TM4SF4: variants seen among roughly 807,000 people sequenced by gnomAD.
The protein encoded by TM4SF4 is transmembrane 4 L6 family member 4.
Under a neutral mutation model 24.1 loss-of-function variants are expected in TM4SF4, and 24 were observed. The observed-to-expected ratio is 1.00, with a 90% CI of 0.72 to 1.40. TM4SF4 has a LOEUF of 1.40. TM4SF4 is among the 40% of genes most tolerant of loss of function. TM4SF4 has a pLI of 0.00. For missense variants in TM4SF4, 254 were observed against 254.2 expected (o/e 1.00, Z 0.01); for synonymous variants, 113 against 97.0 (o/e 1.17, Z -0.97).
chr3:149,489,065 A>G (rs1033867687), intron 3 of TM4SF4, among the ~76,000 whole-genome samples: 1 of 152,216 alleles, frequency 6.6e-6, no homozygotes, highest in Non-Finnish European at 1.5e-5. Context: ...GTTAAGCAAT[A>G]CAAGGTCTCT....
At chr3:149,482,277 A>G (rs767927890) in intron 2 of TM4SF4, among the ~76,000 whole-genome samples, 1 of 152,230 alleles carries the variant, frequency 6.6e-6, no homozygotes, top group Non-Finnish European at 1.5e-5. Flanking sequence ...ATCTGCCTGT[A>G]ATCCATACCT....
chr3:149,475,360 TAAC>T (rs1733909173), intron 1 of TM4SF4, among the ~76,000 whole-genome samples: 1 of 152,038 alleles, frequency 6.6e-6, no homozygotes, highest in African/African-American at 2.4e-5. Flanking sequence ...CCCAAAACAA[TAAC>T]AACAACAAAC....
rs1295261914 is a variant in TM4SF4 at position 149,502,753 on chromosome 3, ACTT to A, written c.*66_*68del. The A allele has an allele frequency of 4.7e-6, 6 of 1,283,744 alleles. No homozygotes were observed. Among genetic ancestry groups the A allele is most frequent in the African/African-American group, 4.4e-5 (3 of 68,044 alleles). 79.5% of individuals were successfully genotyped at this position (1,283,744 alleles called of 1,614,324 possible). On this transcript the variant is annotated 3_prime_UTR_variant, in exon 5 of 5. Transcript: ENST00000305354. ...GACGACTACAATTTCTTTTCATAAAACTTCTTCTCTTCTTGGAATTATTAATTC... is the reference window on the plus strand; with the variant it reads ...GACGACTACAATTTCTTTTCATAAAACTTCTCTTCTTGGAATTATTAATTC...
In TM4SF4 at chr3:149,493,247, G is replaced by A. The variant is rs547896858; in HGVS notation, c.402-5475G>A. Reference sequence around the variant, plus strand: ...CTTAATTTCAACCAGGCATAAATAAGGCTCAAAAAAAACCTCTTTATTGTG... The same window carrying A: ...CTTAATTTCAACCAGGCATAAATAAAGCTCAAAAAAAACCTCTTTATTGTG... On this transcript the variant is annotated intron_variant, in intron 3 of 4. Coordinates refer to ENST00000305354, the MANE Select transcript of TM4SF4 (RefSeq NM_004617.4). Among the ~76,000 whole-genome samples the A allele has an allele frequency of 1.0e-3, 154 of 151,912 alleles. 1 individual carries two copies. Among genetic ancestry groups the A allele is most frequent in the African/African-American group, 3.5e-3 (143 of 41,428 alleles).
intron 2 of TM4SF4, among the ~76,000 whole-genome samples, chr3:149,483,261 T>C (rs529141549): frequency 1.6e-4 from 25 of 152,260 alleles, no homozygotes; most frequent in African/African-American, 5.3e-4. Context: ...AGAAATTTGG[T>C]TGGAGCATGG....
rs896216916 is a variant in TM4SF4, at chr3:149,484,947, A to T, written c.265-2672A>T. Among the ~76,000 whole-genome samples, 8 of 152,208 alleles carry T rather than the reference A, an allele frequency of 5.3e-5. No homozygotes were observed. The East Asian group carries it at 1.5e-3, about 29-fold the overall frequency. On this transcript the variant is annotated intron_variant, in intron 2 of 4. Transcript: ENST00000305354. Reference sequence around the variant, plus strand: ...TGGGTTCAACCTTTTTATAATAATTAATAAATATGTGTTAAGAAAAAATTT... The same window carrying T: ...TGGGTTCAACCTTTTTATAATAATTTATAAATATGTGTTAAGAAAAAATTT...
intron 3 of TM4SF4, among the ~76,000 whole-genome samples, chr3:149,491,292 C>G (rs1734204728): frequency 8.3e-5 from 3 of 36,238 alleles, no homozygotes; most frequent in East Asian, 1.8e-3. Context: ...CAGCGCCCCT[C>G]TACAAAAAAA....
chr3:149,480,261 A>T (rs1259778790), intron 2 of TM4SF4, among the ~76,000 whole-genome samples: 1 of 152,192 alleles, frequency 6.6e-6, no homozygotes, highest in African/African-American at 2.4e-5. Context: ...CCTTCTAAAA[A>T]ATGGATCTCT....
intron 4 of TM4SF4, among the ~76,000 whole-genome samples, chr3:149,501,672 C>T (rs1382595751): frequency 1.3e-5 from 2 of 152,236 alleles, no homozygotes; most frequent in Admixed American, 6.5e-5. Context: ...TGAGGAAAGA[C>T]TTGGGCTCTC....
At chr3:149,498,155 G>T (rs1385217155) in intron 3 of TM4SF4, among the ~76,000 whole-genome samples, 3 of 152,112 alleles carry the variant, frequency 2.0e-5, no homozygotes, top group African/African-American at 4.8e-5. Flanking sequence ...TTAAAATTAG[G>T]CCTTGAAATC....
At chr3:149,499,840 A>C (rs1308092631) in intron 4 of TM4SF4, among the ~76,000 whole-genome samples, 3 of 152,144 alleles carry the variant, frequency 2.0e-5, no homozygotes, top group African/African-American at 7.2e-5. Flanking sequence ...TCACCACCGC[A>C]CTCCAGTCTG....
chr3:149,482,217 A>G (rs973992578), intron 2 of TM4SF4, among the ~76,000 whole-genome samples: 2 of 152,148 alleles, frequency 1.3e-5, no homozygotes, highest in Admixed American at 6.5e-5. Flanking sequence ...AATAAAAAAG[A>G]TTAACTTCCC....
At chr3:149,500,465 T>G (rs1488007070) in intron 4 of TM4SF4, among the ~76,000 whole-genome samples, 1 of 152,166 alleles carries the variant, frequency 6.6e-6, no homozygotes. Context: ...TGCATTTTTA[T>G]TCTACAAATT....
chr3:149,481,605 T>A (rs1465005940), intron 2 of TM4SF4, among the ~76,000 whole-genome samples: 2 of 152,154 alleles, frequency 1.3e-5, no homozygotes, highest in African/African-American at 4.8e-5. Context: ...AGGAGGAATG[T>A]CCATGCCCTA....
intron 3 of TM4SF4, among the ~76,000 whole-genome samples, chr3:149,489,814 T>C (rs1225883840): frequency 6.6e-6 from 1 of 152,150 alleles, no homozygotes. Flanking sequence ...AGGTACCAGA[T>C]TATAAAGATT....
At chr3:149,475,509 T>TCC (rs2107864672) in intron 1 of TM4SF4, among the ~76,000 whole-genome samples, 1 of 152,334 alleles carries the variant, frequency 6.6e-6, no homozygotes, top group South Asian at 2.1e-4. Context: ...AACCTCCGTT[T>TCC]GAGAGAGTGA....
intron 2 of TM4SF4, among the ~76,000 whole-genome samples, chr3:149,482,293 A>C (rs66482463): frequency 0.36 from 54,396 of 152,014 alleles, 10,259 homozygotes; most frequent in Non-Finnish European, 0.42. Context: ...TACCTTTGAC[A>C]ACAACACAGT....
intron 3 of TM4SF4, among the ~76,000 whole-genome samples, chr3:149,489,677 A>G (rs866825798): frequency 6.6e-6 from 1 of 152,224 alleles, no homozygotes; most frequent in African/African-American, 2.4e-5. Flanking sequence ...TCTTCATATT[A>G]GTACTTCTGG....
rs367773065 is a variant in TM4SF4, at chr3:149,498,760, G to C, written c.440G>C (p.Arg147Pro). Residue 147 changes from arginine (R) to proline (P), a missense_variant, in exon 4 of 5, where the codon CGA becomes CCA. Physicochemically the swap from Arg to Pro is moderately radical, Grantham distance 103 (BLOSUM62 -2). Transcript: ENST00000305354. Reference sequence around the variant, plus strand: ...GATGAGGCCTTATGGAACAAGTGCCGAGAGCCTCTCAATGTGGTTCCCTGG... The same window carrying C: ...GATGAGGCCTTATGGAACAAGTGCCCAGAGCCTCTCAATGTGGTTCCCTGG... ...LNDEALWNKCREPLNVVPWNL... is the reference protein window; with the variant it reads ...LNDEALWNKCPEPLNVVPWNL... 1.2e-6 allele frequency: 2 copies of C among 1,613,932 alleles called. No individual in the cohort carries two copies. Among genetic ancestry groups the C allele is most frequent in the Non-Finnish European group, 1.7e-6 (2 of 1,179,866 alleles).
Sources: gnomAD v4.1 joint callset for allele counts (sites outside exome capture counted in the v4.1 genomes callset) on GRCh38, gnomAD v4.1.1 for gene constraint, MANE v1.5 for transcripts, NCBI Gene and HGNC (gene_info 2026-07-23, HGNC 2026-07-21) for gene names.